Variants in PDE4DIP observed in about 807,000 individuals in gnomAD.
PDE4DIP encodes the protein phosphodiesterase 4D interacting protein.
In PDE4DIP, 59 loss-of-function variants were observed where a neutral mutation model predicts 221.4. The observed-to-expected ratio is 0.27, with a 90% CI of 0.22 to 0.33. The LOEUF is 0.33. PDE4DIP is among the 10% of genes least tolerant of loss of function. PDE4DIP has a pLI of 1.00. For missense variants in PDE4DIP, 1,036 were observed against 2,154.2 expected (o/e 0.48, Z 10.28); for synonymous variants, 404 against 815.9 (o/e 0.50, Z 8.60).
At chr1:148,969,542 C>CGAA (rs1553522829) in intron 14 of PDE4DIP, among the ~76,000 whole-genome samples, 1 of 151,792 alleles carries the variant, frequency 6.6e-6, no homozygotes, top group African/African-American at 2.4e-5. Flanking sequence ...TTTGCATTTC[C>CGAA]AGTCAAGGTA....
At chr1:148,862,234 TC>T (rs1684567138) in intron 1 of PDE4DIP, among the ~76,000 whole-genome samples, 1 of 151,400 alleles carries the variant, frequency 6.6e-6, no homozygotes, top group Non-Finnish European at 1.5e-5. Flanking sequence ...ATTTATTGTC[TC>T]CCCTTACTGT....
chr1:148,978,415 G>A, exon 19 of PDE4DIP: 2 of 1,584,556 alleles, frequency 1.3e-6, no homozygotes, highest in Non-Finnish European at 1.7e-6. Flanking sequence ...GAAGACAACA[G>A]GTAAGTTACT....
chr1:148,981,532 C>T (rs1421510429), intron 21 of PDE4DIP, 135 bp downstream of exon 24: 26 of 1,027,782 alleles, frequency 2.5e-5, no homozygotes, highest in African/African-American at 3.1e-5. Context: ...CAGAATTAAA[C>T]GGTGACTTAC....
intron 6 of PDE4DIP, among the ~76,000 whole-genome samples, chr1:148,961,405 A>C (rs587625133): frequency 6.6e-6 from 1 of 152,092 alleles, no homozygotes; most frequent in Non-Finnish European, 1.5e-5. Flanking sequence ...TTTCTAGCCC[A>C]TGAATTTTAA....
intron 4 of PDE4DIP, chr1:148,932,561 GA>G: frequency 8.2e-7 from 1 of 1,219,040 alleles, no homozygotes; most frequent in Non-Finnish European, 1.1e-6. Context: ...CCACATGCCA[GA>G]TACCGGGCTA....
chr1:148,820,837 A>T (rs1436271153), intron 1 of PDE4DIP, among the ~76,000 whole-genome samples: 2 of 110,272 alleles, frequency 1.8e-5, no homozygotes, highest in African/African-American at 6.1e-5. Context: ...CTGATTATTT[A>T]TTTATTTATT....
chr1:148,815,541 C>T (rs1667540098), intron 1 of PDE4DIP, among the ~76,000 whole-genome samples: 1 of 44,896 alleles, frequency 2.2e-5, no homozygotes, highest in Non-Finnish European at 4.8e-5. Flanking sequence ...CAGCAAGACT[C>T]TGTCTCAAAA....
chr1:149,013,643 A>T (rs2069354003), intron 32 of PDE4DIP, among the ~76,000 whole-genome samples: 2 of 98,404 alleles, frequency 2.0e-5, no homozygotes, highest in Non-Finnish European at 4.0e-5. Context: ...GCCTGTAAAG[A>T]AGCTTAGGTG....
chr1:148,936,898 T>C (rs2049315814), intron 4 of PDE4DIP, among the ~76,000 whole-genome samples: 2 of 152,046 alleles, frequency 1.3e-5, no homozygotes, highest in Admixed American at 1.3e-4. Flanking sequence ...AACAATGCCT[T>C]CTTCTGGAAT....
intron 1 of PDE4DIP, among the ~76,000 whole-genome samples, chr1:148,899,208 G>A (rs1336412316): frequency 8.4e-6 from 1 of 118,412 alleles, no homozygotes; most frequent in Non-Finnish European, 1.7e-5. Flanking sequence ...TGGCACACTG[G>A]AATCATTCAG....
At chr1:148,847,854 C>T (rs797038000) in intron 1 of PDE4DIP, among the ~76,000 whole-genome samples, 1 of 9,016 alleles carries the variant, frequency 1.1e-4, no homozygotes, top group Non-Finnish European at 1.6e-4. Context: ...GGTGACAGAG[C>T]GAGCCTACAT....
intron 19 of PDE4DIP, among the ~76,000 whole-genome samples, chr1:148,978,966 C>T (rs1553540045): frequency 6.6e-6 from 1 of 151,612 alleles, no homozygotes. Flanking sequence ...ACACTCATAC[C>T]TAAGTCACCT....
chr1:148,933,740 C>T (rs1436031115), intron 4 of PDE4DIP, among the ~76,000 whole-genome samples: 12 of 152,158 alleles, frequency 7.9e-5, no homozygotes, highest in Non-Finnish European at 1.5e-4. Context: ...AGAAGCTTTG[C>T]AATACCTTTA....
intron 12 of PDE4DIP, among the ~76,000 whole-genome samples, chr1:148,967,490 T>G (rs1410718691): frequency 1.3e-5 from 2 of 152,180 alleles, no homozygotes; most frequent in Non-Finnish European, 1.5e-5. Context: ...ATAGTGCACT[T>G]CCTCCAAAAT....
chr1:148,963,199 T>G (rs1229969211), intron 9 of PDE4DIP, among the ~76,000 whole-genome samples: 1 of 152,236 alleles, frequency 6.6e-6, no homozygotes, highest in East Asian at 1.9e-4. Flanking sequence ...TCTATTTTAT[T>G]GTTATTGTTA....
chr1:148,955,531 C>T (rs1393909056), intron 5 of PDE4DIP, among the ~76,000 whole-genome samples: 1 of 152,098 alleles, frequency 6.6e-6, no homozygotes, highest in African/African-American at 2.4e-5. Context: ...CCTTGTTTAA[C>T]TAACGTAGCC....
chr1:149,017,717 C>T lies in PDE4DIP; in HGVS notation c.5519-31C>T, dbSNP rs782167287. On this transcript the variant is annotated intron_variant, in intron 33 of 43. Coordinates refer to ENST00000369354, the Ensembl canonical transcript of PDE4DIP. ...GTAACCAGGATTCTCCATCTCCCAC[C>T]TCTCTTCATGTCCTGGTGGTTTGGC... The T allele has an allele frequency of 7.1e-6, 10 of 1,403,868 alleles. No homozygotes were observed. The South Asian group carries it at 8.4e-5, about 12-fold the overall frequency. The allele number at this position is 1,403,868 out of a possible 1,614,324, so 87.0% of individuals were successfully genotyped here.
intron 22 of PDE4DIP, among the ~76,000 whole-genome samples, chr1:148,994,595 T>C (rs74226797): frequency 2.0e-5 from 3 of 152,070 alleles, no homozygotes; most frequent in Non-Finnish European, 2.9e-5. Flanking sequence ...TATATATATA[T>C]ACACACAAAC....
At position 148,978,027 on chromosome 1, in the gene PDE4DIP, A is replaced by C. The variant is rs782811339; in HGVS notation, c.2410A>C (p.Ile804Leu). 3.7e-6 allele frequency: 6 copies of C among 1,614,078 alleles called. No homozygotes were observed. In the South Asian group the frequency reaches 6.6e-5, roughly 18 times the overall value. ...TGATATGGAGTCTCTGACCAGGAAC[A>C]TACAGATTAAAGAAGATCTCATAAA... The change falls in exon 18 of 44, where the codon ATA becomes CTA. Residue 804 changes from isoleucine (I) to leucine (L), a missense_variant. Transcript: ENST00000369354.
Sources: gnomAD v4.1 joint callset for allele counts (sites outside exome capture counted in the v4.1 genomes callset) on GRCh38, gnomAD v4.1.1 for gene constraint, MANE v1.5 for transcripts, NCBI Gene and HGNC (gene_info 2026-07-23, HGNC 2026-07-21) for gene names.